The following CALD1 variants were observed in gnomAD, a reference collection of about 807,000 sequenced individuals.
CALD1 encodes the protein caldesmon.
CALD1 carries 33 observed loss-of-function variants against 99.9 expected under a neutral mutation model. The ratio of observed to expected loss-of-function variants is 0.33; its 90% confidence interval spans 0.25 to 0.44. The LOEUF is 0.44. Ranked by LOEUF, CALD1 falls within the 20% of genes least tolerant of loss-of-function variation. CALD1 has a pLI of 1.00. For missense variants in CALD1, 861 were observed against 962.1 expected (o/e 0.89, Z 1.39); for synonymous variants, 310 against 325.0 (o/e 0.95, Z 0.50).
At chr7:134,745,815 T>C (rs1247625544) in intron 1 of CALD1, among the ~76,000 whole-genome samples, 1 of 152,258 alleles carries the variant, frequency 6.6e-6, no homozygotes, top group Non-Finnish European at 1.5e-5. Context: ...TTGTTCTTTA[T>C]AATACAAGGT....
chr7:134,766,823 C>T (rs1023808091), intron 1 of CALD1, among the ~76,000 whole-genome samples: 10 of 151,908 alleles, frequency 6.6e-5, no homozygotes, highest in Non-Finnish European at 1.0e-4. Context: ...AGTTAGGGAT[C>T]GTGGCGGGCA....
At chr7:134,871,552 AG>A (rs1192362857) in intron 3 of CALD1, among the ~76,000 whole-genome samples, 2 of 152,244 alleles carry the variant, frequency 1.3e-5, no homozygotes, top group African/African-American at 4.8e-5. Flanking sequence ...AAAAAGATCA[AG>A]AAATTATACT....
chr7:134,846,606 C>T (rs1799863605), intron 2 of CALD1, among the ~76,000 whole-genome samples: 1 of 152,164 alleles, frequency 6.6e-6, no homozygotes, highest in Admixed American at 6.5e-5. Context: ...TAAGTTCTCT[C>T]CTTGCTTTAT....
rs536848984 is a variant in CALD1 at position 134,771,367 on chromosome 7, C to T, written c.-130+27004C>T. On this transcript the variant is annotated intron_variant, in intron 1 of 13. Coordinates refer to the CALD1 transcript ENST00000417172. ...CAAATGTCCGTCCCCCTCAGGGGTGCCCGTTCTATTCAATAGCACTCCCAT... is the reference window on the plus strand; with the variant it reads ...CAAATGTCCGTCCCCCTCAGGGGTGTCCGTTCTATTCAATAGCACTCCCAT... 2.6e-5 allele frequency among the ~76,000 whole-genome samples: 4 copies of T among 152,294 alleles called. No homozygotes were observed. The South Asian group carries it at 8.3e-4, about 32-fold the overall frequency.
At chr7:134,724,675 C>T in the CALD1 span, among the ~76,000 whole-genome samples, 1 of 152,192 alleles carries the variant, frequency 6.6e-6, no homozygotes, top group Non-Finnish European at 1.5e-5. Context: ...TTCTTCTATA[C>T]CACACTGTCT....
At chr7:134,952,502 G>A (rs928791232) in intron 9 of CALD1, among the ~76,000 whole-genome samples, 18 of 144,950 alleles carry the variant, frequency 1.2e-4, no homozygotes, top group Admixed American at 2.1e-4. Flanking sequence ...ATAGAGTCTC[G>A]CTGTGTTGCC....
intron 1 of CALD1, among the ~76,000 whole-genome samples, chr7:134,782,675 T>C (rs183741967): frequency 1.3e-5 from 2 of 152,316 alleles, no homozygotes; most frequent in East Asian, 3.9e-4. Flanking sequence ...GACGTCCAAA[T>C]GAGATGAAGC....
intron 9 of CALD1, among the ~76,000 whole-genome samples, chr7:134,954,597 A>G (rs1378815711): frequency 6.6e-6 from 1 of 152,194 alleles, no homozygotes; most frequent in Non-Finnish European, 1.5e-5. Flanking sequence ...TGATAGAAGC[A>G]AAAGGAGGAG....
the CALD1 span, among the ~76,000 whole-genome samples, chr7:134,730,128 C>G: frequency 0.53 from 80,695 of 151,672 alleles, 22,827 homozygotes; most frequent in East Asian, 0.82. Context: ...CCCCATTCAG[C>G]AAAAGGCCTG....
At chr7:134,832,460 G>C (rs560070703) in intron 1 of CALD1, among the ~76,000 whole-genome samples, 4 of 152,316 alleles carry the variant, frequency 2.6e-5, no homozygotes, top group African/African-American at 9.6e-5. Flanking sequence ...AATAAAAGCA[G>C]TCTGGAAAAC....
At chr7:134,930,224 A>G (rs1805425795) in intron 4 of CALD1, among the ~76,000 whole-genome samples, 1 of 152,164 alleles carries the variant, frequency 6.6e-6, no homozygotes, top group African/African-American at 2.4e-5. Flanking sequence ...AATAGGTTCA[A>G]CTTCTTCAAA....
At chr7:134,855,519 T>A (rs763013087) in intron 2 of CALD1, among the ~76,000 whole-genome samples, 4 of 152,232 alleles carry the variant, frequency 2.6e-5, no homozygotes, top group South Asian at 4.1e-4. Flanking sequence ...AGAAAAGATA[T>A]TGGGAGAAAA....
At chr7:134,767,278 C>T (rs536856209) in intron 1 of CALD1, among the ~76,000 whole-genome samples, 4 of 152,066 alleles carry the variant, frequency 2.6e-5, no homozygotes, top group South Asian at 4.2e-4. Flanking sequence ...AGTGGTTAGA[C>T]GCATCTATAT....
At chr7:134,953,260 C>G (rs1306294744) in intron 9 of CALD1, among the ~76,000 whole-genome samples, 1 of 152,078 alleles carries the variant, frequency 6.6e-6, no homozygotes, top group Non-Finnish European at 1.5e-5. Flanking sequence ...AGGTGTATCA[C>G]CTGAGGTCAG....
At chr7:134,839,163 G>A (rs1032362656) in intron 1 of CALD1, among the ~76,000 whole-genome samples, 42 of 152,056 alleles carry the variant, frequency 2.8e-4, no homozygotes, top group African/African-American at 9.9e-4. Flanking sequence ...TCTGGGCTTC[G>A]GTTTTTATAT....
the CALD1 span, among the ~76,000 whole-genome samples, chr7:134,738,187 A>G: frequency 2.6e-5 from 4 of 152,176 alleles, no homozygotes; most frequent in South Asian, 2.1e-4. Flanking sequence ...GTTCCACAGA[A>G]TCTGAAGCTC....
chr7:134,952,804 A>G (rs139147919), intron 9 of CALD1, among the ~76,000 whole-genome samples: 6 of 152,268 alleles, frequency 3.9e-5, no homozygotes, highest in African/African-American at 1.2e-4. Flanking sequence ...TCCCAGTCAT[A>G]TTTCTGATAC....
chr7:134,711,567 A>G, the CALD1 span, among the ~76,000 whole-genome samples: 2 of 151,558 alleles, frequency 1.3e-5, no homozygotes, highest in Admixed American at 1.3e-4. Context: ...CCTGCTGCGC[A>G]GACTTCAGCC....
intron 1 of CALD1, among the ~76,000 whole-genome samples, chr7:134,763,162 T>C (rs2131601543): frequency 6.6e-6 from 1 of 152,302 alleles, no homozygotes. Flanking sequence ...TCTACTTAAA[T>C]AAAAACTTCC....
Sources: allele counts gnomAD v4.1 joint callset (sites outside exome capture counted in the v4.1 genomes callset), GRCh38; gene constraint gnomAD v4.1.1; transcripts MANE v1.5; gene names NCBI Gene and HGNC (gene_info 2026-07-23, HGNC 2026-07-21).